The following CTNND1 variants were observed in gnomAD, a reference collection of about 807,000 sequenced individuals.
CTNND1 encodes the protein catenin delta-1.
In CTNND1, 16 loss-of-function variants were observed where a neutral mutation model predicts 112.1. The ratio of observed to expected loss-of-function variants is 0.14; its 90% confidence interval spans 0.10 to 0.22. CTNND1 has a LOEUF of 0.22. Among genes scored for constraint, CTNND1 ranks in the 10% least tolerant of loss-of-function variants. The pLI is 1.00. For synonymous variants in CTNND1, 420 were observed against 446.5 expected (o/e 0.94, Z 0.75); for missense variants, 1,008 against 1,257.0 (o/e 0.80, Z 3.00).
At chr11:57,810,084 C>G in intron 15 of CTNND1, 25 bp from the exon 16 acceptor site, 2 of 1,548,310 alleles carry the variant, frequency 1.3e-6, no homozygotes. Context: ...ATCCAAATTC[C>G]GTATGGTGTT....
In CTNND1 at chr11:57,762,036, C is replaced by A. The variant is rs1949959499; in HGVS notation, c.-297C>A. On this transcript the variant is annotated 5_prime_UTR_variant, in exon 1 of 21. Transcript: ENST00000399050. ...TCTTAAAGGACTGATTTTTAGAACT[C>A]CACATTTGAGGTGTGTGGCTTTTGA... is the stretch of plus-strand genomic sequence containing the variant. 1.0e-6 allele frequency: 1 copy of A among 985,292 alleles called. No homozygotes were observed. Among genetic ancestry groups the A allele is most frequent in the Non-Finnish European group, 1.2e-6 (1 of 829,930 alleles). The allele number at this position is 985,292 out of a possible 1,614,324, so 61.0% of individuals were successfully genotyped here.
chr11:57,819,009 G>T lies in CTNND1; in HGVS notation c.*2701G>T, dbSNP rs1309308697. On this transcript the variant is annotated 3_prime_UTR_variant, in exon 21 of 21. Coordinates refer to ENST00000399050, the MANE Select transcript of CTNND1 (RefSeq NM_001085458.2). Reference sequence around the variant, plus strand: ...AATATTTTACAGACCATATTACCTGGATTACCAGGGACTATCTTTGCTGCA... The same window carrying T: ...AATATTTTACAGACCATATTACCTGTATTACCAGGGACTATCTTTGCTGCA... The T allele has an allele frequency of 2.0e-5, 3 of 152,152 alleles. No individual in the cohort carries two copies. The highest frequency in any genetic ancestry group is 2.0e-4 in the Admixed American group (3 of 15,280). 9.4% of individuals were successfully genotyped at this position (152,152 alleles called of 1,614,324 possible). A position where few individuals can be genotyped will look rare whatever the true frequency, so the allele number is the denominator to read the frequency against.
At chr11:57,782,631 G>A (rs1213707676) in intron 1 of CTNND1, among the ~76,000 whole-genome samples, 1 of 152,238 alleles carries the variant, frequency 6.6e-6, no homozygotes, top group Non-Finnish European at 1.5e-5. Context: ...GTAGGTTACA[G>A]TCTATTTCTA....
Position 57,810,096 on chromosome 11 carries a change from C to CT in CTNND1, c.2436-10dup, listed in dbSNP as rs1380757725. 6.3e-7 allele frequency: 1 copy of CT among 1,595,638 alleles called. No individual in the cohort carries two copies. Among genetic ancestry groups the CT allele is most frequent in the South Asian group, 1.1e-5 (1 of 88,792 alleles). The stretch of plus-strand genomic sequence containing the variant: ...TATATCCAAATTCCGTATGGTGTTA[C>CT]TTTCCTCCAAAGGAACCGCTCAGAA... On this transcript the variant is annotated splice_polypyrimidine_tract_variant and intron_variant, in intron 15 of 20. Coordinates refer to ENST00000399050, the MANE Select transcript of CTNND1 (RefSeq NM_001085458.2).
At chr11:57,774,132 C>G (rs1242110719) in intron 1 of CTNND1, among the ~76,000 whole-genome samples, 1 of 152,166 alleles carries the variant, frequency 6.6e-6, no homozygotes, top group Non-Finnish European at 1.5e-5. Context: ...CTTACTCAAA[C>G]CAGAAGTTAA....
chr11:57,774,134 A>G (rs1020130959), intron 1 of CTNND1, among the ~76,000 whole-genome samples: 1 of 152,194 alleles, frequency 6.6e-6, no homozygotes, highest in Admixed American at 6.5e-5. Context: ...TACTCAAACC[A>G]GAAGTTAAAG....
In CTNND1 at chr11:57,811,466, T is replaced by C. The variant is rs368066009; in HGVS notation, c.2618T>C (p.Ile873Thr). 9 of 1,613,192 alleles carry C rather than the reference T, an allele frequency of 5.6e-6. No homozygotes were observed. Among genetic ancestry groups the C allele is most frequent in the South Asian group, 1.1e-5 (1 of 90,984 alleles). The change falls in exon 17 of 21, where the codon ATT becomes ACT. Residue 873 changes from isoleucine (I) to threonine (T), a missense_variant. Coordinates refer to ENST00000399050, the MANE Select transcript of CTNND1 (RefSeq NM_001085458.2). ...TATGATGATAGTACTCTCCCTCTCA[T>C]TGACCGGAACCAAAAATCAGGTGCA... ...HSYDDSTLPLIDRNQKSDKKP... is the reference protein window; with the variant it reads ...HSYDDSTLPLTDRNQKSDKKP...
chr11:57,810,244 A>C, intron 16 of CTNND1, 21 bp downstream of exon 16: 1 of 1,551,808 alleles, frequency 6.4e-7, no homozygotes, highest in Non-Finnish European at 8.8e-7. Context: ...TTTTGAGACC[A>C]AGACTTTTAC....
Position 57,791,673 on chromosome 11 carries a change from G to C in CTNND1, c.195G>C (p.Gln65His). Reference sequence around the variant, plus strand: ...ACGGCACACTCACCCGCCGGCATCAGGTAACCCCTCTCTCCATCAGACGTG... The same window carrying C: ...ACGGCACACTCACCCGCCGGCATCACGTAACCCCTCTCTCCATCAGACGTG... ...MANGTLTRRH[Q>H]NGRFVGDADL... The change falls in exon 3 of 21, where the codon CAG becomes CAC. Residue 65 changes from glutamine (Q) to histidine (H), a missense_variant and splice_region_variant. Gln to His is a conservative substitution (Grantham distance 24). Coordinates refer to ENST00000399050, the MANE Select transcript of CTNND1 (RefSeq NM_001085458.2). The C allele has an allele frequency of 6.4e-7, 1 of 1,557,124 alleles. No individual in the cohort carries two copies. Among genetic ancestry groups the C allele is most frequent in the Non-Finnish European group, 8.7e-7 (1 of 1,147,214 alleles).
Position 57,805,972 on chromosome 11 carries a change from C to T in CTNND1, c.1813C>T (p.Pro605Ser), listed in dbSNP as rs2137278408. Residue 605 changes from proline to serine, a missense_variant, in exon 10 of 21, where the codon CCC becomes TCC. This residue lies in a region of CTNND1 where 254 missense variants were observed against 279.5 expected (regional missense o/e 0.91). Transcript: ENST00000399050. ...PQAERYQEAA[P>S]NVANNTGPHA... ...GGCAGAGCGTTACCAAGAGGCAGCT[C>T]CCAATGTTGCCAACAATACTGGGCC... is the stretch of plus-strand genomic sequence containing the variant. 6.2e-7 allele frequency: 1 copy of T among 1,612,886 alleles called. No individual in the cohort carries two copies. The highest frequency in any genetic ancestry group is 1.1e-5 in the South Asian group (1 of 90,746).
intron 20 of CTNND1, 25 bp from the exon 21 acceptor site, chr11:57,816,270 TTC>T: frequency 6.2e-7 from 1 of 1,613,578 alleles, no homozygotes; most frequent in Non-Finnish European, 8.5e-7. Context: ...CCCATTAACA[TTC>T]TCTCTTTCTC....
At chr11:57,775,931 C>T (rs1336053217) in intron 1 of CTNND1, among the ~76,000 whole-genome samples, 1 of 152,194 alleles carries the variant, frequency 6.6e-6, no homozygotes, top group Non-Finnish European at 1.5e-5. Context: ...TCAGACGTTA[C>T]TTTTACATTC....
chr11:57,803,522 G>A, intron 7 of CTNND1, 99 bp from the exon 8 acceptor site: 1 of 884,242 alleles, frequency 1.1e-6, no homozygotes, highest in Non-Finnish European at 1.7e-6. Context: ...GGTCACTGGG[G>A]AAGACTGAGA....
At chr11:57,812,396 T>C (rs2063468466) in intron 17 of CTNND1, among the ~76,000 whole-genome samples, 1 of 152,096 alleles carries the variant, frequency 6.6e-6, no homozygotes, top group African/African-American at 2.4e-5. Context: ...GGCAGACGCC[T>C]GTATTCCCAG....
Position 57,796,692 on chromosome 11 carries a change from A to G in CTNND1, c.656A>G (p.Asp219Gly), listed in dbSNP as rs781264919. The stretch of plus-strand genomic sequence containing the variant: ...GATGGTTATAGTCGCCACTATGAAG[A>G]TGGTTATCCAGGTGGCAGTGATAAC... ...PPDGYSRHYE[D>G]GYPGGSDNYG... The change falls in exon 6 of 21, where the codon GAT (aspartate) becomes GGT (glycine). Residue 219 changes from aspartate (D) to glycine (G), a missense_variant. Asp to Gly is a moderately conservative substitution (Grantham distance 94). This residue lies in a region of CTNND1 where 404 missense variants were observed against 457.9 expected (regional missense o/e 0.88). Coordinates refer to ENST00000399050, the MANE Select transcript of CTNND1 (RefSeq NM_001085458.2). 4 of 1,614,008 alleles carry G rather than the reference A, an allele frequency of 2.5e-6. No homozygotes were observed. Among genetic ancestry groups the G allele is most frequent in the Non-Finnish European group, 3.4e-6 (4 of 1,179,892 alleles).
In CTNND1 at chr11:57,788,655, G is replaced by GA. The variant is rs1296190621; in HGVS notation, c.-213-381dup. Among the ~76,000 whole-genome samples the GA allele has an allele frequency of 6.6e-6, 1 of 151,726 alleles. No individual in the cohort carries two copies. The highest frequency in any genetic ancestry group is 2.4e-5 in the African/African-American group (1 of 41,358). ...TGTGGGCATGCTGGGACTGGGCTTTGAGGTTTCTGCCTTAGGGGTGGGAAG... is the reference window on the plus strand; with the variant it reads ...TGTGGGCATGCTGGGACTGGGCTTTGAAGGTTTCTGCCTTAGGGGTGGGAAG... On this transcript the variant is annotated intron_variant, in intron 1 of 20. Transcript: ENST00000399050. This position sits in a 1 kb window ranked among gnomAD's most constrained non-coding sequence, Gnocchi z 4.1.
In CTNND1 at chr11:57,791,405, C is replaced by A; in HGVS notation, c.-74C>A. On this transcript the variant is annotated 5_prime_UTR_variant, in exon 3 of 21. Coordinates refer to ENST00000399050, the MANE Select transcript of CTNND1 (RefSeq NM_001085458.2). ...GGTAGTGTGAAGTGAGGGGGTCTCT[C>A]TCCCTCCTTCTCCTTCCTCTGTGAT... 1.4e-6 allele frequency: 2 copies of A among 1,382,948 alleles called. No homozygotes were observed. Among genetic ancestry groups the A allele is most frequent in the Non-Finnish European group, 1.9e-6 (2 of 1,062,300 alleles). The allele number at this position is 1,382,948 out of a possible 1,614,324, so 85.7% of individuals were successfully genotyped here. A position where few individuals can be genotyped will look rare whatever the true frequency, so the allele number is the denominator to read the frequency against.
chr11:57,800,846 G>A (rs1179257986), intron 6 of CTNND1, among the ~76,000 whole-genome samples: 1 of 152,182 alleles, frequency 6.6e-6, no homozygotes, highest in Non-Finnish European at 1.5e-5. Context: ...ATAAATAATA[G>A]TGTGACAGAC....
rs373643406 is a variant in CTNND1, at chr11:57,796,602, G to T, written c.566G>T (p.Gly189Val). Residue 189 changes from glycine (G) to valine (V), a missense_variant, in exon 6 of 21, where the codon GGA becomes GTA. Around this residue, in one of 5 missense-constraint regions of CTNND1, gnomAD observed 404 missense variants for 457.9 expected, o/e 0.88. Transcript: ENST00000399050. ...GRDFRKNGNGGPGPYVGQAGT... is the reference protein window; with the variant it reads ...GRDFRKNGNGVPGPYVGQAGT... ...GATTTCCGCAAGAATGGCAATGGGGGACCTGGTCCCTATGTGGGGCAAGCT... is the reference window on the plus strand; with the variant it reads ...GATTTCCGCAAGAATGGCAATGGGGTACCTGGTCCCTATGTGGGGCAAGCT... The T allele has an allele frequency of 1.9e-5, 30 of 1,613,866 alleles. No individual in the cohort carries two copies. Among genetic ancestry groups the T allele is most frequent in the African/African-American group, 2.7e-5 (2 of 74,918 alleles).
Sources: allele counts gnomAD v4.1 joint callset (sites outside exome capture counted in the v4.1 genomes callset), GRCh38; gene constraint gnomAD v4.1.1; regional missense constraint gnomAD v4.1.1; non-coding constraint Gnocchi (gnomAD v3.1); transcripts MANE v1.5; gene names NCBI Gene and HGNC (gene_info 2026-07-23, HGNC 2026-07-21).